The following EIF4A2 variants were observed in gnomAD, a reference collection of about 807,000 sequenced individuals.
The protein encoded by EIF4A2 is eukaryotic translation initiation factor 4A2, also known as eukaryotic initiation factor 4A-II.
EIF4A2 carries 9 observed loss-of-function variants against 50.6 expected under a neutral mutation model. The ratio of observed to expected loss-of-function variants is 0.18; its 90% confidence interval spans 0.11 to 0.31. The LOEUF (loss-of-function observed/expected upper bound fraction) is 0.31, where lower values mean the gene tolerates loss of function less well. Among genes scored for constraint, EIF4A2 ranks in the 10% least tolerant of loss-of-function variants. The pLI is 1.00. For synonymous variants in EIF4A2, 215 were observed against 164.4 expected, an observed-to-expected ratio of 1.31 and a Z score of -2.35; for missense variants, 182 against 501.8, an observed-to-expected ratio of 0.36 and a Z score of 6.09.
At chr3:186,788,315 G>A (rs1366225754) in intron 10 of EIF4A2, 7 of 1,290,472 alleles carry the variant, frequency 5.4e-6, no homozygotes, top group African/African-American at 3.0e-5. Context: ...TACAGGAGTC[G>A]ATAGCAGCAG....
At chr3:186,786,958 G>A (rs1220493859) in intron 7 of EIF4A2, 169 bp from the exon 8 acceptor site, 5 of 1,084,882 alleles carry the variant, frequency 4.6e-6, no homozygotes, top group African/African-American at 1.6e-5. Flanking sequence ...GGTAGAGACA[G>A]TTTCACTTTC....
In EIF4A2 at chr3:186,784,951, A is replaced by G. The variant is rs1553797707; in HGVS notation, c.209-11A>G. ...TGTGGGATCGGTAAATGTGTATCCT[A>G]CTTTTTTTAGGGTATGATGTGATTG... On this transcript the variant is annotated splice_polypyrimidine_tract_variant and intron_variant, in intron 3 of 10. Coordinates refer to ENST00000323963, the MANE Select transcript of EIF4A2 (RefSeq NM_001967.4). The G allele has an allele frequency of 6.8e-6, 11 of 1,614,018 alleles. No individual in the cohort carries two copies. Among genetic ancestry groups the G allele is most frequent in the Non-Finnish European group, 8.5e-6 (10 of 1,180,016 alleles).
At position 186,785,242 on chromosome 3, in the gene EIF4A2, G is replaced by T. The variant is rs982063254; in HGVS notation, c.348+141G>T. The T allele has an allele frequency of 5.2e-5, 68 of 1,303,394 alleles. 1 individual carries two copies. In the East Asian group the frequency reaches 1.6e-3, roughly 30 times the overall value. 80.7% of individuals were successfully genotyped at this position (1,303,394 alleles called of 1,614,324 possible). A position where few individuals can be genotyped will look rare whatever the true frequency, so the allele number is the denominator to read the frequency against. On this transcript the variant is annotated intron_variant, in intron 4 of 10. Transcript: ENST00000323963. ...TTGTCCATGCATGCAGGGAGTTTTT[G>T]TTGAAAGTTTTAAAAGAACTGGGTA...
At position 186,787,032 on chromosome 3, in the gene EIF4A2, A is replaced by G. The variant is rs1209370586; in HGVS notation, c.772-95A>G. On this transcript the variant is annotated intron_variant, in intron 7 of 10. Coordinates refer to ENST00000323963, the MANE Select transcript of EIF4A2 (RefSeq NM_001967.4). The stretch of plus-strand genomic sequence containing the variant: ...GCTAGGATCCCAAAGGGCTGGGATT[A>G]CAGGCATTAGCACTGTGGCTGGCCC... The G allele has an allele frequency of 4.7e-6, 7 of 1,495,416 alleles. No homozygotes were observed. The Admixed American group carries it at 5.4e-5, about 11-fold the overall frequency. 92.6% of individuals were successfully genotyped at this position (1,495,416 alleles called of 1,614,324 possible).
In EIF4A2 at chr3:186,784,954, T is replaced by A; in HGVS notation, c.209-8T>A. The stretch of plus-strand genomic sequence containing the variant: ...GGGATCGGTAAATGTGTATCCTACT[T>A]TTTTTAGGGTATGATGTGATTGCTC... On this transcript the variant is annotated splice_polypyrimidine_tract_variant and splice_region_variant and intron_variant, in intron 3 of 10. Transcript: ENST00000323963. The A allele has an allele frequency of 6.2e-7, 1 of 1,614,224 alleles. No homozygotes were observed. Among genetic ancestry groups the A allele is most frequent in the Non-Finnish European group, 8.5e-7 (1 of 1,180,036 alleles).
At chr3:186,788,829 G>GT (rs1721945911) in intron 10 of EIF4A2, 1 of 314,484 alleles carries the variant, frequency 3.2e-6, no homozygotes, top group African/African-American at 2.2e-5. Context: ...GCCCACTTTG[G>GT]TATGGGCTTT....
chr3:186,788,296 T>C, intron 10 of EIF4A2: 1 of 1,292,208 alleles, frequency 7.7e-7, no homozygotes, highest in South Asian at 1.2e-5. Context: ...AAAAAGACTT[T>C]TTAAAAAATA....
intron 6 of EIF4A2, 67 bp downstream of exon 6, chr3:186,786,340 A>G (rs981943557): frequency 3.9e-6 from 6 of 1,537,344 alleles, no homozygotes; most frequent in African/African-American, 1.4e-5. Flanking sequence ...TACTGTTACA[A>G]TACAACTGAT....
chr3:186,787,321 A>G, intron 8 of EIF4A2, 57 bp downstream of exon 8: 1 of 1,613,800 alleles, frequency 6.2e-7, no homozygotes, highest in Non-Finnish European at 8.5e-7. Context: ...AGACTACAAT[A>G]TAGCTGCTAA....
Position 186,789,896 on chromosome 3 carries a change from A to T in EIF4A2, c.*627A>T. ...TTAAATAAATTGTATATTCACTTTA[A>T]AGGTGCTTTTGGTCATTTTATTTTT... On this transcript the variant is annotated 3_prime_UTR_variant, in exon 11 of 11. Transcript: ENST00000323963. The T allele has an allele frequency of 1.1e-6, 1 of 936,966 alleles. No homozygotes were observed. Among genetic ancestry groups the T allele is most frequent in the Non-Finnish European group, 1.7e-6 (1 of 601,830 alleles). 58.0% of individuals were successfully genotyped at this position (936,966 alleles called of 1,614,324 possible). A position where few individuals can be genotyped will look rare whatever the true frequency, so the allele number is the denominator to read the frequency against.
chr3:186,784,877 A>G (rs538734682), intron 3 of EIF4A2, 85 bp from the exon 4 acceptor site: 2 of 1,607,692 alleles, frequency 1.2e-6, no homozygotes, highest in Non-Finnish European at 1.7e-6. Flanking sequence ...TTATTTGGGC[A>G]TAATGTTCCA....
chr3:186,789,897 A>T lies in EIF4A2; in HGVS notation c.*628A>T. ...TAAATAAATTGTATATTCACTTTAA[A>T]GGTGCTTTTGGTCATTTTATTTTTA... On this transcript the variant is annotated 3_prime_UTR_variant, in exon 11 of 11. Transcript: ENST00000323963. The T allele has an allele frequency of 1.1e-6, 1 of 939,882 alleles. No homozygotes were observed. Among genetic ancestry groups the T allele is most frequent in the Non-Finnish European group, 1.7e-6 (1 of 603,726 alleles). The allele number at this position is 939,882 out of a possible 1,614,324, so 58.2% of individuals were successfully genotyped here.
At chr3:186,788,265 G>A (rs1326725122) in intron 10 of EIF4A2, 1 of 1,282,940 alleles carries the variant, frequency 7.8e-7, no homozygotes, top group Non-Finnish European at 1.0e-6. Flanking sequence ...AAATTGAATT[G>A]TACTTTGTTA....
At chr3:186,784,762 C>T (rs1560083772) in intron 3 of EIF4A2, 66 bp downstream of exon 3, 37 of 1,609,102 alleles carry the variant, frequency 2.3e-5, no homozygotes, top group South Asian at 4.4e-5. Flanking sequence ...GGGAAAGTAA[C>T]CTCTGGGGGA....
intron 1 of EIF4A2, chr3:186,784,079 C>G (rs990825269): frequency 6.5e-6 from 3 of 463,100 alleles, no homozygotes; most frequent in Non-Finnish European, 1.2e-5. Flanking sequence ...GGCGACGGGA[C>G]AGGACCGGTG....
intron 7 of EIF4A2, 49 bp downstream of exon 7, chr3:186,786,694 G>A: frequency 1.2e-6 from 2 of 1,610,588 alleles, no homozygotes; most frequent in Non-Finnish European, 1.7e-6. Flanking sequence ...TATAAGCACT[G>A]TGCTAAAATT....
intron 10 of EIF4A2, 121 bp downstream of exon 10, chr3:186,788,003 A>T: frequency 9.4e-7 from 1 of 1,068,994 alleles, no homozygotes; most frequent in South Asian, 1.5e-5. Flanking sequence ...GTTCAGTAAG[A>T]TGATGTAATT....
At chr3:186,789,052 A>ACAAGTG in intron 10 of EIF4A2, 73 bp from the exon 11 acceptor site, 1 of 1,516,208 alleles carries the variant, frequency 6.6e-7, no homozygotes, top group Non-Finnish European at 8.9e-7. Context: ...CTGGTGGTTA[A>ACAAGTG]CAAGTGGATC....
At chr3:186,788,404 GAAT>G (rs1721898850) in intron 10 of EIF4A2, 1 of 1,277,288 alleles carries the variant, frequency 7.8e-7, no homozygotes, top group Non-Finnish European at 1.0e-6. Flanking sequence ...CACACTGTTT[GAAT>G]AAAGAGCGAG....
Sources: allele counts gnomAD v4.1 joint callset, GRCh38; gene constraint gnomAD v4.1.1; transcripts MANE v1.5; gene names NCBI Gene and HGNC (gene_info 2026-07-23, HGNC 2026-07-21).